CPNE4: variants seen among roughly 807,000 people sequenced by gnomAD.
CPNE4 encodes copine 4.
A neutral mutation model predicts 67.9 loss-of-function variants in CPNE4; 25 were observed. The ratio of observed to expected loss-of-function variants is 0.37; its 90% confidence interval spans 0.27 to 0.51. CPNE4 has a LOEUF of 0.51. Among genes scored for constraint, CPNE4 ranks in the 20% least tolerant of loss-of-function variants. The probability of loss-of-function intolerance (pLI) is 0.93; values close to 1 mark genes in which losing one functional copy is unlikely to be tolerated. For synonymous variants in CPNE4, 242 were observed against 244.9 expected, an observed-to-expected ratio of 0.99 and a Z score of 0.11; for missense variants, 464 against 690.8, an observed-to-expected ratio of 0.67 and a Z score of 3.68.
At chr3:131,792,743 A>ACG in intron 2 of CPNE4, among the ~76,000 whole-genome samples, 1 of 134,922 alleles carries the variant, frequency 7.4e-6, no homozygotes, top group South Asian at 2.4e-4. Flanking sequence ...GTGTGTATAT[A>ACG]TGTATATATA....
intron 7 of CPNE4, among the ~76,000 whole-genome samples, chr3:131,651,553 A>G (rs2079816843): frequency 6.6e-6 from 1 of 152,208 alleles, no homozygotes; most frequent in South Asian, 2.1e-4. Context: ...AAGAAACACA[A>G]GGCTTTAGGA....
At chr3:131,847,110 A>T (rs1284140212) in intron 2 of CPNE4, among the ~76,000 whole-genome samples, 2 of 152,170 alleles carry the variant, frequency 1.3e-5, no homozygotes, top group Admixed American at 1.3e-4. Flanking sequence ...GTGTAATGTC[A>T]TCTCATGGCT....
chr3:131,542,836 TG>T (rs1935584126), intron 14 of CPNE4, 43 bp from the exon 15 acceptor site: 1 of 1,398,574 alleles, frequency 7.2e-7, no homozygotes, highest in African/African-American at 1.4e-5. Flanking sequence ...GGTGAAGAGG[TG>T]AGGGAGACAA....
intron 2 of CPNE4, among the ~76,000 whole-genome samples, chr3:131,806,836 T>C (rs1225320471): frequency 6.6e-6 from 1 of 152,196 alleles, no homozygotes; most frequent in Non-Finnish European, 1.5e-5. Flanking sequence ...AAAGTCTTCC[T>C]GGATTTGTTT....
intron 7 of CPNE4, among the ~76,000 whole-genome samples, chr3:131,642,444 T>C (rs2079563378): frequency 6.6e-6 from 1 of 152,202 alleles, no homozygotes; most frequent in Non-Finnish European, 1.5e-5. Flanking sequence ...CCTTGAAAAG[T>C]TATTATCTTA....
chr3:132,023,551 G>A (rs796894743), intron 1 of CPNE4, among the ~76,000 whole-genome samples: 1 of 134,582 alleles, frequency 7.4e-6, no homozygotes, highest in East Asian at 2.1e-4. Context: ...GCAGTGGCGG[G>A]ATCTCGGCTC....
intron 1 of CPNE4, among the ~76,000 whole-genome samples, chr3:131,953,739 A>T (rs1449724180): frequency 6.6e-6 from 1 of 152,194 alleles, no homozygotes; most frequent in African/African-American, 2.4e-5. Flanking sequence ...GATGCTTATC[A>T]AAAGGTGGGA....
intron 15 of CPNE4, 130 bp downstream of exon 15, chr3:131,542,427 G>T: frequency 2.7e-6 from 2 of 733,936 alleles, no homozygotes; most frequent in South Asian, 3.1e-5. Context: ...CACAGCAAGG[G>T]TATGTAGAGC....
At chr3:131,563,491 A>G (rs1415643407) in intron 11 of CPNE4, among the ~76,000 whole-genome samples, 1 of 152,096 alleles carries the variant, frequency 6.6e-6, no homozygotes, top group African/African-American at 2.4e-5. Context: ...TTTTCTTGGT[A>G]GGAAAGGCCA....
intron 1 of CPNE4, among the ~76,000 whole-genome samples, chr3:132,001,940 G>C (rs1022365280): frequency 6.6e-6 from 1 of 152,102 alleles, no homozygotes; most frequent in Non-Finnish European, 1.5e-5. Flanking sequence ...AGCTGCTGTT[G>C]AGTAGGGGTT....
intron 1 of CPNE4, among the ~76,000 whole-genome samples, chr3:131,906,338 G>A (rs921730780): frequency 1.4e-4 from 21 of 151,186 alleles, no homozygotes; most frequent in East Asian, 3.9e-4. Context: ...GTGCCATGCC[G>A]CTGTGCTGCA....
chr3:131,669,662 A>C lies in CPNE4; in HGVS notation c.681+13T>G. ...TTTTAAAAAATCACATTTCTTGGAC[A>C]CAGATTTCTGACCTTTAGCCGGCGG... On this transcript the variant is annotated intron_variant, in intron 7 of 15. Coordinates refer to ENST00000429747, the MANE Select transcript of CPNE4 (RefSeq NM_130808.3). The C allele has an allele frequency of 6.3e-7, 1 of 1,579,294 alleles. No homozygotes were observed. Among genetic ancestry groups the C allele is most frequent in the Non-Finnish European group, 8.6e-7 (1 of 1,157,924 alleles).
chr3:131,777,680 C>G (rs2083324775), intron 2 of CPNE4, among the ~76,000 whole-genome samples: 2 of 152,046 alleles, frequency 1.3e-5, no homozygotes, highest in Non-Finnish European at 1.5e-5. Flanking sequence ...CTTTTATAAT[C>G]CCATTGGTAT....
At chr3:132,029,650 C>A (rs1047246290) in intron 1 of CPNE4, among the ~76,000 whole-genome samples, 3 of 152,198 alleles carry the variant, frequency 2.0e-5, no homozygotes, top group Non-Finnish European at 2.9e-5. Context: ...GGTCAATAAG[C>A]CTTAAACCTG....
rs188907991 is a variant in CPNE4 at position 132,009,281 on chromosome 3, C to A, written c.-2+25286G>T. 4.7e-3 allele frequency among the ~76,000 whole-genome samples: 717 copies of A among 152,316 alleles called. 21 individuals are homozygous for A. Among genetic ancestry groups the A allele is most frequent in the Admixed American group, 0.043 (659 of 15,298 alleles). On this transcript the variant is annotated intron_variant, in intron 1 of 15. Transcript: ENST00000429747. ...CACAAAGCCTTGGTCTATGTGGAGT[C>A]AAGATCCCTGAGGAACCTCTGCTCC...
chr3:131,614,579 G>A (rs777845561), intron 7 of CPNE4, among the ~76,000 whole-genome samples: 53 of 152,174 alleles, frequency 3.5e-4, no homozygotes, highest in Non-Finnish European at 5.4e-4. Context: ...GTAGGGAGTC[G>A]TTTTTGAAGT....
intron 2 of CPNE4, among the ~76,000 whole-genome samples, chr3:131,859,613 T>C (rs1018715934): frequency 3.9e-5 from 6 of 152,200 alleles, no homozygotes; most frequent in African/African-American, 1.2e-4. Context: ...GTGGAACTTA[T>C]GCATCAGCAA....
At chr3:131,644,850 T>TC (rs1186609272) in intron 7 of CPNE4, among the ~76,000 whole-genome samples, 2 of 152,226 alleles carry the variant, frequency 1.3e-5, no homozygotes, top group African/African-American at 4.8e-5. Flanking sequence ...AAAGTCCAAA[T>TC]GGCTTTCCAG....
At chr3:131,787,413 C>G (rs1425222540) in intron 2 of CPNE4, among the ~76,000 whole-genome samples, 1 of 152,132 alleles carries the variant, frequency 6.6e-6, no homozygotes, top group Non-Finnish European at 1.5e-5. Flanking sequence ...GGAGCAAATA[C>G]GATCTGTCAG....
Sources: allele counts gnomAD v4.1 joint callset (sites outside exome capture counted in the v4.1 genomes callset), GRCh38; gene constraint gnomAD v4.1.1; transcripts MANE v1.5; gene names NCBI Gene and HGNC (gene_info 2026-07-23, HGNC 2026-07-21).